The following SEZ6L variants were observed in gnomAD, a reference collection of about 807,000 sequenced individuals.
SEZ6L encodes seizure 6-like protein.
Under a neutral mutation model 106.2 loss-of-function variants are expected in SEZ6L, and 37 were observed. The observed-to-expected ratio is 0.35, with a 90% CI of 0.27 to 0.46. SEZ6L has a LOEUF of 0.46. Ranked by LOEUF, SEZ6L falls within the 20% of genes least tolerant of loss-of-function variation. The pLI is 1.00. For synonymous variants in SEZ6L, 541 were observed against 570.4 expected (o/e 0.95, Z 0.73); for missense variants, 1,172 against 1,332.8 (o/e 0.88, Z 1.88).
chr22:26,231,024 T>C (rs981317055), intron 1 of SEZ6L, among the ~76,000 whole-genome samples: 1 of 152,178 alleles, frequency 6.6e-6, no homozygotes, highest in Non-Finnish European at 1.5e-5. Flanking sequence ...TGGCTTTGCC[T>C]AGGAAAGAAT....
At chr22:26,232,042 T>C (rs985834130) in intron 1 of SEZ6L, among the ~76,000 whole-genome samples, 1 of 152,120 alleles carries the variant, frequency 6.6e-6, no homozygotes, top group Non-Finnish European at 1.5e-5. Context: ...ACCTACTTGG[T>C]CCGTCACTCT....
At chr22:26,234,718 T>C (rs1186670052) in intron 1 of SEZ6L, among the ~76,000 whole-genome samples, 2 of 152,228 alleles carry the variant, frequency 1.3e-5, no homozygotes, top group African/African-American at 4.8e-5. Context: ...TTTAGTAAAC[T>C]ATATACTGTG....
intron 9 of SEZ6L, among the ~76,000 whole-genome samples, chr22:26,338,564 AAAAAAT>A (rs2082716860): frequency 6.9e-6 from 1 of 145,150 alleles, no homozygotes; most frequent in Non-Finnish European, 1.5e-5. Flanking sequence ...CACCAAAAAA[AAAAAAT>A]TTTTTTTGAG....
chr22:26,373,421 T>A, intron 13 of SEZ6L, 30 bp from the exon 14 acceptor site: 1 of 1,595,830 alleles, frequency 6.3e-7, no homozygotes, highest in South Asian at 1.2e-5. Context: ...TCACTTTACA[T>A]TGACCAATGC....
rs145437770 is a variant in SEZ6L at position 26,287,413 on chromosome 22, C to A, written c.95-4993C>A. The stretch of plus-strand genomic sequence containing the variant: ...ACCCAACACTTTGATTGATTGACCG[C>A]TTTTGAGTAGAGCACCGACTGTACG... On this transcript the variant is annotated intron_variant, in intron 1 of 16. Coordinates refer to ENST00000248933, the MANE Select transcript of SEZ6L (RefSeq NM_021115.5). Among the ~76,000 whole-genome samples, 385 of 152,158 alleles carry A rather than the reference C, an allele frequency of 2.5e-3. 14 individuals are homozygous for A. The South Asian group carries it at 0.037, about 15-fold the overall frequency.
In SEZ6L at chr22:26,271,060, T is replaced by A. The variant is rs147532083; in HGVS notation, c.95-21346T>A. Reference sequence around the variant, plus strand: ...AAGATGACAATTTGTCTTAGAATAATAATGTCTGATTGTCCTCTTTGGGTG... The same window carrying A: ...AAGATGACAATTTGTCTTAGAATAAAAATGTCTGATTGTCCTCTTTGGGTG... On this transcript the variant is annotated intron_variant, in intron 1 of 16. Coordinates refer to ENST00000248933, the MANE Select transcript of SEZ6L (RefSeq NM_021115.5). Among the ~76,000 whole-genome samples, 307 of 152,360 alleles carry A rather than the reference T, an allele frequency of 2.0e-3. 7 individuals carry two copies. In the East Asian group the frequency reaches 0.03, roughly 15 times the overall value.
chr22:26,175,543 A>G (rs773232274), intron 1 of SEZ6L, among the ~76,000 whole-genome samples: 1 of 152,202 alleles, frequency 6.6e-6, no homozygotes, highest in Non-Finnish European at 1.5e-5. Context: ...AACTCCAAAC[A>G]CTGACAGGAC....
intron 1 of SEZ6L, among the ~76,000 whole-genome samples, chr22:26,237,776 G>A (rs976250432): frequency 5.3e-5 from 8 of 152,122 alleles, no homozygotes; most frequent in Non-Finnish European, 1.2e-4. Flanking sequence ...CTGCTCCTAG[G>A]CCTCCAAGCC....
At position 26,284,497 on chromosome 22, in the gene SEZ6L, C is replaced by T. The variant is rs147442199; in HGVS notation, c.95-7909C>T. Among the ~76,000 whole-genome samples the T allele has an allele frequency of 1.6e-3, 230 of 146,784 alleles. 1 individual carries two copies. The highest frequency in any genetic ancestry group is 4.5e-3 in the Admixed American group (63 of 13,980). The stretch of plus-strand genomic sequence containing the variant: ...TGTTGGCTCATGCCTGTAACCCTAA[C>T]TATTCTGGAGATTGAAATGGGAGGA... On this transcript the variant is annotated intron_variant, in intron 1 of 16. Coordinates refer to ENST00000248933, the MANE Select transcript of SEZ6L (RefSeq NM_021115.5).
At chr22:26,354,158 C>A (rs2083365032) in intron 12 of SEZ6L, among the ~76,000 whole-genome samples, 1 of 152,204 alleles carries the variant, frequency 6.6e-6, no homozygotes, top group South Asian at 2.1e-4. Context: ...AAAGTTCTAA[C>A]CCACAGTATC....
rs112422707 is a variant in SEZ6L, at chr22:26,296,956, C to A, written c.1038C>A (p.Thr346=). The A allele has an allele frequency of 6.2e-7, 1 of 1,614,074 alleles. No homozygotes were observed. Among genetic ancestry groups the A allele is most frequent in the Admixed American group, 1.7e-5 (1 of 60,016 alleles). Residue 346 remains threonine (T), a synonymous_variant, in exon 4 of 17, where the codon ACC becomes ACA. Transcript: ENST00000248933. Reference sequence around the variant, plus strand: ...GCGGGGTGGACGGCCCTACCCTGACCGTCCTGGCCAACCAGACACTCCTGG... The same window carrying A: ...GCGGGGTGGACGGCCCTACCCTGACAGTCCTGGCCAACCAGACACTCCTGG... ...SIRGVDGPTL[T]VLANQTLLVE...
chr22:26,345,148 G>T (rs899626542), intron 10 of SEZ6L, among the ~76,000 whole-genome samples: 3 of 152,022 alleles, frequency 2.0e-5, no homozygotes, highest in African/African-American at 7.2e-5. Context: ...CCATGGGGAC[G>T]GACCATTCTA....
chr22:26,275,369 G>T (rs893793237), intron 1 of SEZ6L, among the ~76,000 whole-genome samples: 1 of 152,134 alleles, frequency 6.6e-6, no homozygotes, highest in African/African-American at 2.4e-5. Context: ...GGTAGGCTAG[G>T]CTAAGCTAGG....
chr22:26,281,183 T>C (rs1056468760), intron 1 of SEZ6L, among the ~76,000 whole-genome samples: 2 of 152,144 alleles, frequency 1.3e-5, no homozygotes, highest in African/African-American at 2.4e-5. Context: ...TGGGTTATCA[T>C]GGGAGTACAA....
At chr22:26,285,612 G>A (rs531803059) in intron 1 of SEZ6L, among the ~76,000 whole-genome samples, 2 of 152,198 alleles carry the variant, frequency 1.3e-5, no homozygotes, top group Non-Finnish European at 2.9e-5. Context: ...ATGCAGGTTG[G>A]GGGAGGTTTG....
At chr22:26,195,624 G>C (rs1203641358) in intron 1 of SEZ6L, among the ~76,000 whole-genome samples, 1 of 152,124 alleles carries the variant, frequency 6.6e-6, no homozygotes, top group Non-Finnish European at 1.5e-5. Context: ...TCAAGCCCTG[G>C]GGTGGAAGCT....
intron 1 of SEZ6L, among the ~76,000 whole-genome samples, chr22:26,238,878 A>G (rs773660286): frequency 4.6e-5 from 7 of 152,138 alleles, no homozygotes; most frequent in Non-Finnish European, 8.8e-5. Flanking sequence ...AACTAGAACA[A>G]CATGTTGTAA....
rs190863422 is a variant in SEZ6L, at chr22:26,256,918, G to A, written c.95-35488G>A. On this transcript the variant is annotated intron_variant, in intron 1 of 16. Transcript: ENST00000248933. ...ACATGCTCCTGTTGCAGCAGAGAAA[G>A]TTCAGGTTAGATTCAAAGCAGGACC... Among the ~76,000 whole-genome samples the A allele has an allele frequency of 1.3e-4, 20 of 152,308 alleles. No homozygotes were observed. In the East Asian group the frequency reaches 2.3e-3, roughly 18 times the overall value.
Position 26,292,893 on chromosome 22 carries a change from T to C in SEZ6L, c.582T>C (p.Pro194=). Residue 194 remains proline (P), a synonymous_variant, in exon 2 of 17, where the codon CCT becomes CCC. Transcript: ENST00000248933. The part of the protein sequence containing the change: ...LWLDRKESAV[P]TTPAPLQISP... ...TGGACCGAAAGGAGAGTGCGGTCCC[T>C]ACAACACCCGCACCCCTGCAAATCT... 5.0e-6 allele frequency: 8 copies of C among 1,614,082 alleles called. No homozygotes were observed. Among genetic ancestry groups the C allele is most frequent in the African/African-American group, 4.0e-5 (3 of 75,032 alleles).
Sources: gnomAD v4.1 joint callset for allele counts (sites outside exome capture counted in the v4.1 genomes callset) on GRCh38, gnomAD v4.1.1 for gene constraint, MANE v1.5 for transcripts, NCBI Gene and HGNC (gene_info 2026-07-23, HGNC 2026-07-21) for gene names.